The following TMEM108 variants were observed in gnomAD, a reference collection of about 807,000 sequenced individuals.
TMEM108 encodes cancer/testis antigen 124.
In TMEM108, 12 loss-of-function variants were observed where a neutral mutation model predicts 35.1. The ratio of observed to expected loss-of-function variants is 0.34; its 90% confidence interval spans 0.22 to 0.55. The LOEUF is 0.55. Among genes scored for constraint, TMEM108 ranks in the 20% least tolerant of loss-of-function variants. The pLI is 0.89. For missense variants in TMEM108, 680 were observed against 753.3 expected (o/e 0.90, Z 1.14); for synonymous variants, 287 against 308.6 (o/e 0.93, Z 0.73).
At position 133,325,267 on chromosome 3, in the gene TMEM108, G is replaced by C. The variant is rs1194728363; in HGVS notation, c.41-54485G>C. Among the ~76,000 whole-genome samples, 3 of 152,298 alleles carry C rather than the reference G, an allele frequency of 2.0e-5. No homozygotes were observed. The East Asian group carries it at 5.8e-4, about 29-fold the overall frequency. On this transcript the variant is annotated intron_variant, in intron 3 of 5. Coordinates refer to ENST00000321871, the MANE Select transcript of TMEM108 (RefSeq NM_023943.4). Reference sequence around the variant, plus strand: ...AGACATCATATGTTTTCACAAGCGGGAGCTAAGCTATGAGGGTGTAAAGGC... The same window carrying C: ...AGACATCATATGTTTTCACAAGCGGCAGCTAAGCTATGAGGGTGTAAAGGC...
At chr3:133,118,093 GT>G (rs1353125528) in intron 2 of TMEM108, among the ~76,000 whole-genome samples, 1 of 151,150 alleles carries the variant, frequency 6.6e-6, no homozygotes. Flanking sequence ...ATTTCTAGGA[GT>G]TGGTAGAGTA....
intron 2 of TMEM108, among the ~76,000 whole-genome samples, chr3:133,178,737 A>G (rs1232701194): frequency 6.6e-6 from 1 of 152,256 alleles, no homozygotes; most frequent in Non-Finnish European, 1.5e-5. Flanking sequence ...ACCATTCAAG[A>G]CATAGGCATG....
rs187037201 is a variant in TMEM108 at position 133,388,595 on chromosome 3, G to C, written c.1451-1585G>C. The C allele has an allele frequency of 2.7e-3, 2,686 of 985,336 alleles. 5 individuals carry two copies. Among genetic ancestry groups the C allele is most frequent in the Non-Finnish European group, 3.1e-3 (2,563 of 829,822 alleles). 61.0% of individuals were successfully genotyped at this position (985,336 alleles called of 1,614,324 possible). On this transcript the variant is annotated intron_variant, in intron 4 of 5. Coordinates refer to ENST00000321871, the MANE Select transcript of TMEM108 (RefSeq NM_023943.4). ...TCAGAAATTCCTTCTATGTTTTAAA[G>C]ATTTTTTAAAAAGGATCTAGAAGAC... is the stretch of plus-strand genomic sequence containing the variant.
At chr3:133,230,890 A>G (rs1946143176) in intron 3 of TMEM108, among the ~76,000 whole-genome samples, 1 of 152,192 alleles carries the variant, frequency 6.6e-6, no homozygotes, top group African/African-American at 2.4e-5. Flanking sequence ...GGGGGTTCAA[A>G]CATCATCTGG....
chr3:133,085,397 A>T (rs1288547977), intron 2 of TMEM108, among the ~76,000 whole-genome samples: 2 of 142,462 alleles, frequency 1.4e-5, no homozygotes, highest in Admixed American at 7.1e-5. Flanking sequence ...TTTATAATGG[A>T]AAAAGTTTAT....
At chr3:133,218,620 AT>A (rs1945943611) in intron 2 of TMEM108, among the ~76,000 whole-genome samples, 1 of 151,870 alleles carries the variant, frequency 6.6e-6, no homozygotes, top group Admixed American at 6.6e-5. Context: ...AGGATGTTGA[AT>A]TTTTTCAAAC....
chr3:133,339,263 T>C, intron 3 of TMEM108, among the ~76,000 whole-genome samples: 1 of 150,920 alleles, frequency 6.6e-6, no homozygotes, highest in Non-Finnish European at 1.5e-5. Context: ...AATAAAGGGA[T>C]GGAAAAAGAT....
intron 2 of TMEM108, among the ~76,000 whole-genome samples, chr3:133,210,863 A>G (rs986428484): frequency 6.6e-6 from 1 of 152,172 alleles, no homozygotes; most frequent in African/African-American, 2.4e-5. Flanking sequence ...CCAGCTGTAT[A>G]TTCAACAGAC....
At chr3:133,223,199 G>A (rs369081004) in intron 2 of TMEM108, among the ~76,000 whole-genome samples, 1 of 152,164 alleles carries the variant, frequency 6.6e-6, no homozygotes, top group East Asian at 1.9e-4. Flanking sequence ...GAAGAAATAG[G>A]GACTTATTCC....
intron 3 of TMEM108, among the ~76,000 whole-genome samples, chr3:133,232,855 G>A (rs1354760269): frequency 2.0e-5 from 3 of 152,198 alleles, no homozygotes; most frequent in African/African-American, 7.2e-5. Flanking sequence ...AAAGCTGAAA[G>A]CTTGAGTATG....
chr3:133,247,418 A>C (rs1439492148), intron 3 of TMEM108: 1 of 152,196 alleles, frequency 6.6e-6, no homozygotes, highest in Admixed American at 6.5e-5. Context: ...AGATAACAGA[A>C]TAGGCAAATC....
At position 133,380,289 on chromosome 3, in the gene TMEM108, G is replaced by A; in HGVS notation, c.578G>A (p.Ser193Asn). 1.9e-6 allele frequency: 3 copies of A among 1,614,128 alleles called. No individual in the cohort carries two copies. The highest frequency in any genetic ancestry group is 2.5e-6 in the Non-Finnish European group (3 of 1,180,004). The change falls in exon 4 of 6, where the codon AGT becomes AAT. Residue 193 changes from serine (S) to asparagine (N), a missense_variant. Ser to Asn is a conservative substitution (Grantham distance 46). Transcript: ENST00000321871. This position sits in a 1 kb window ranked among gnomAD's most constrained non-coding sequence, Gnocchi z 5.3. ...VPPAPGGHSR[S>N]KEGQRGRNPS... Reference sequence around the variant, plus strand: ...CCTGCACCTGGTGGCCACTCCAGGAGTAAAGAAGGACAGCGAGGACGAAAT... The same window carrying A: ...CCTGCACCTGGTGGCCACTCCAGGAATAAAGAAGGACAGCGAGGACGAAAT...
intron 2 of TMEM108, among the ~76,000 whole-genome samples, chr3:133,181,562 C>T (rs1425115586): frequency 1.3e-5 from 2 of 152,030 alleles, no homozygotes; most frequent in African/African-American, 4.8e-5. Context: ...CAGCCCAGAC[C>T]CAGACAGAGA....
chr3:133,058,363 G>T (rs1489885289), intron 2 of TMEM108, among the ~76,000 whole-genome samples: 1 of 152,234 alleles, frequency 6.6e-6, no homozygotes, highest in South Asian at 2.1e-4. Flanking sequence ...ACCTCTAAGG[G>T]TTTGCTCCTG....
chr3:133,205,338 C>G (rs920127961), intron 2 of TMEM108, among the ~76,000 whole-genome samples: 1 of 152,086 alleles, frequency 6.6e-6, no homozygotes, highest in African/African-American at 2.4e-5. Context: ...GAATCTGATC[C>G]TGCCATTATG....
intron 3 of TMEM108, among the ~76,000 whole-genome samples, chr3:133,294,914 A>G (rs959215545): frequency 6.6e-6 from 1 of 152,216 alleles, no homozygotes; most frequent in African/African-American, 2.4e-5. Context: ...TAACTGAATA[A>G]TGTACATTCT....
At chr3:133,203,696 C>T (rs1945706805) in intron 2 of TMEM108, among the ~76,000 whole-genome samples, 1 of 152,112 alleles carries the variant, frequency 6.6e-6, no homozygotes, top group Non-Finnish European at 1.5e-5. Context: ...ATTAGGTTTG[C>T]CAGTATTTTA....
At chr3:133,167,044 T>C (rs1945050628) in intron 2 of TMEM108, among the ~76,000 whole-genome samples, 1 of 152,148 alleles carries the variant, frequency 6.6e-6, no homozygotes, top group Non-Finnish European at 1.5e-5. Flanking sequence ...AGTGCACTGA[T>C]TGGTGCATTT....
chr3:133,342,555 T>TATATATATATATACACACACAC (rs60991711), intron 3 of TMEM108, among the ~76,000 whole-genome samples: 1 of 63,456 alleles, frequency 1.6e-5, no homozygotes, highest in African/African-American at 5.1e-5. Context: ...TATATATATA[T>TATATATATATATACACACACAC]ACACACACAC....
Sources: gnomAD v4.1 joint callset for allele counts (sites outside exome capture counted in the v4.1 genomes callset) on GRCh38, gnomAD v4.1.1 for gene constraint, Gnocchi (gnomAD v3.1) non-coding constraint, MANE v1.5 for transcripts, NCBI Gene and HGNC (gene_info 2026-07-23, HGNC 2026-07-21) for gene names.